NRG4: variants seen among roughly 807,000 people sequenced by gnomAD.
NRG4 encodes the protein neuregulin 4.
Under a neutral mutation model 15.0 loss-of-function variants are expected in NRG4, and 10 were observed. The ratio of observed to expected loss-of-function variants is 0.67; its 90% CI spans 0.41 to 1.13. NRG4 has a LOEUF of 1.13. Among genes scored for constraint, NRG4 ranks in the 50% most tolerant of loss-of-function variants. NRG4 has a pLI of 0.00. For synonymous variants in NRG4, 41 were observed against 50.1 expected, an observed-to-expected ratio of 0.82 and a Z score of 0.77; for missense variants, 139 against 140.2, an observed-to-expected ratio of 0.99 and a Z score of 0.04.
At chr15:76,017,363 T>C (rs1365293226), upstream of NRG4, among the ~76,000 whole-genome samples, 1 of 152,112 alleles carries the variant, frequency 6.6e-6, no homozygotes, top group Non-Finnish European at 1.5e-5. Flanking sequence ...TTGTTATGTG[T>C]GAATTTGATC....
At chr15:75,990,672 T>G (rs867317932) in intron 3 of NRG4, among the ~76,000 whole-genome samples, 1 of 45,170 alleles carries the variant, frequency 2.2e-5, no homozygotes, top group African/African-American at 5.6e-5. Flanking sequence ...TTGGTAATTG[T>G]TTTTTTTTTT....
At chr15:76,030,306 G>T (rs2035440871) in intron 5 of NRG4, among the ~76,000 whole-genome samples, 1 of 151,980 alleles carries the variant, frequency 6.6e-6, no homozygotes. Flanking sequence ...AAACAAAGCT[G>T]CAGCCATCAT....
chr15:76,018,586 T>C (rs892556547), intron 5 of NRG4, among the ~76,000 whole-genome samples: 9 of 152,234 alleles, frequency 5.9e-5, no homozygotes, highest in African/African-American at 2.2e-4. Flanking sequence ...GTCAAGCCTC[T>C]CTGCTGCAGG....
intron 3 of NRG4, among the ~76,000 whole-genome samples, chr15:75,994,970 G>A (rs1458913810): frequency 6.6e-6 from 1 of 151,976 alleles, no homozygotes; most frequent in Non-Finnish European, 1.5e-5. Flanking sequence ...GCCCAGTCTT[G>A]ACAACATAGG....
Position 75,943,499 on chromosome 15 carries a change from A to C in NRG4, c.*139T>G, listed in dbSNP as rs761733507. 1.6e-6 allele frequency: 1 copy of C among 636,178 alleles called. No individual in the cohort carries two copies. Among genetic ancestry groups the C allele is most frequent in the Non-Finnish European group, 2.8e-6 (1 of 358,958 alleles). 39.4% of individuals were successfully genotyped at this position (636,178 alleles called of 1,614,324 possible). A position where few individuals can be genotyped will look rare whatever the true frequency, so the allele number is the denominator to read the frequency against. ...GCACACACACCTTGCAGCAGAATGG[A>C]TTATGGTTCATGATACGAGTTACAC... On this transcript the variant is annotated 3_prime_UTR_variant, in exon 6 of 6. Transcript: ENST00000394907.
intron 5 of NRG4, among the ~76,000 whole-genome samples, chr15:75,952,920 G>A (rs1352660734): frequency 6.6e-6 from 1 of 152,060 alleles, no homozygotes; most frequent in Non-Finnish European, 1.5e-5. Flanking sequence ...ATATGTATAA[G>A]TCTCATATGT....
intron 3 of NRG4, chr15:76,005,668 A>C: frequency 3.2e-6 from 1 of 317,228 alleles, no homozygotes; most frequent in Non-Finnish European, 6.0e-6. Flanking sequence ...AGCCAGTGAG[A>C]CTCTGTCTCA....
At chr15:75,990,635 C>T (rs1210061793) in intron 3 of NRG4, among the ~76,000 whole-genome samples, 1 of 148,420 alleles carries the variant, frequency 6.7e-6, no homozygotes, top group Admixed American at 6.7e-5. Context: ...TCTTTCATTA[C>T]TGATGTTGGT....
At position 75,943,377 on chromosome 15, in the gene NRG4, T is replaced by C. The variant is rs968944276; in HGVS notation, c.*261A>G. ...CCTCTGGTTGCTTCAGCACATCAGC[T>C]TTCTGGGGAGAGTCATGTTGAACCA... On this transcript the variant is annotated 3_prime_UTR_variant, in exon 6 of 6. Transcript: ENST00000394907. The C allele has an allele frequency of 1.4e-5, 6 of 443,824 alleles. No individual in the cohort carries two copies. Among genetic ancestry groups the C allele is most frequent in the Non-Finnish European group, 2.4e-5 (6 of 251,466 alleles). 27.5% of individuals were successfully genotyped at this position (443,824 alleles called of 1,614,324 possible).
chr15:75,986,754 AT>A (rs2033814580), intron 3 of NRG4, among the ~76,000 whole-genome samples: 1 of 152,184 alleles, frequency 6.6e-6, no homozygotes, highest in Admixed American at 6.5e-5. Context: ...TGTCCCAAGT[AT>A]TTTATTTCTT....
intron 3 of NRG4, among the ~76,000 whole-genome samples, chr15:76,003,343 C>T (rs994001353): frequency 3.3e-5 from 5 of 151,842 alleles, no homozygotes; most frequent in Admixed American, 6.6e-5. Context: ...AATTTTAAAA[C>T]GTTATGTTAA....
intron 5 of NRG4, among the ~76,000 whole-genome samples, chr15:75,946,147 AGTAG>A (rs1389080483): frequency 6.6e-6 from 1 of 152,192 alleles, no homozygotes; most frequent in Non-Finnish European, 1.5e-5. Context: ...TCACATCCTG[AGTAG>A]GTCAGCGGGA....
At chr15:76,035,879 A>T (rs971698919) in intron 5 of NRG4, 4 of 152,202 alleles carry the variant, frequency 2.6e-5, no homozygotes, top group Non-Finnish European at 5.9e-5. Context: ...GACATACCTG[A>T]GGTATTTCTG....
intron 4 of NRG4, among the ~76,000 whole-genome samples, chr15:75,961,413 C>A (rs2032515829): frequency 6.6e-6 from 1 of 151,940 alleles, no homozygotes; most frequent in African/African-American, 2.4e-5. Context: ...ATTCTTTATG[C>A]CTAGCACAAT....
At chr15:75,958,087 A>T (rs2032326424) in intron 4 of NRG4, among the ~76,000 whole-genome samples, 1 of 151,928 alleles carries the variant, frequency 6.6e-6, no homozygotes. Context: ...ATCTCAGCTC[A>T]CTGCAAGCTC....
chr15:75,940,063 A>G (rs1012898073), downstream of NRG4: 8 of 151,740 alleles, frequency 5.3e-5, no homozygotes, highest in African/African-American at 1.2e-4. Context: ...GTAAAATCCT[A>G]TATGTTCACA....
chr15:75,997,051 C>G (rs754131256), intron 3 of NRG4, among the ~76,000 whole-genome samples: 2 of 151,810 alleles, frequency 1.3e-5, no homozygotes, highest in Non-Finnish European at 2.9e-5. Context: ...CACTATAATA[C>G]TTAGTAGACT....
intron 4 of NRG4, among the ~76,000 whole-genome samples, chr15:75,957,615 G>C (rs1481354561): frequency 6.6e-6 from 1 of 151,986 alleles, no homozygotes; most frequent in East Asian, 1.9e-4. Flanking sequence ...AGATTTGTTA[G>C]GCTTCTAACA....
At chr15:75,955,056 G>A (rs371900802) in intron 5 of NRG4, among the ~76,000 whole-genome samples, 5 of 152,214 alleles carry the variant, frequency 3.3e-5, no homozygotes, top group African/African-American at 1.2e-4. Flanking sequence ...TCCTGGCCCT[G>A]TGTGAATACT....
Sources: gnomAD v4.1 joint callset for allele counts (sites outside exome capture counted in the v4.1 genomes callset) on GRCh38, gnomAD v4.1.1 for gene constraint, MANE v1.5 for transcripts, NCBI Gene and HGNC (gene_info 2026-07-23, HGNC 2026-07-21) for gene names.